Variants in MAF observed in about 807,000 individuals in gnomAD.
The protein encoded by MAF is transcription factor Maf.
In MAF, 10 loss-of-function variants were observed where a neutral mutation model predicts 22.0. That is an observed-to-expected ratio of 0.45 (90% CI 0.28 to 0.77). The LOEUF (loss-of-function observed/expected upper bound fraction) is 0.77, where lower values mean the gene tolerates loss of function less well. Among genes scored for constraint, MAF ranks in the 30% least tolerant of loss-of-function variants. The pLI is 0.12. For missense variants in MAF, 544 were observed against 548.4 expected, an observed-to-expected ratio of 0.99 and a Z score of 0.08; for synonymous variants, 337 against 255.8, an observed-to-expected ratio of 1.32 and a Z score of -3.03.
At chr16:79,382,564 T>C in the MAF span, among the ~76,000 whole-genome samples, 6 of 152,164 alleles carry the variant, frequency 3.9e-5, no homozygotes, top group African/African-American at 1.4e-4. Flanking sequence ...TAACGTACAG[T>C]AGAGAATGGC....
the MAF span, among the ~76,000 whole-genome samples, chr16:79,412,252 T>C: frequency 6.6e-6 from 1 of 152,046 alleles, no homozygotes; most frequent in Non-Finnish European, 1.5e-5. Context: ...TGAGGTACAG[T>C]TGTGTTCAGA....
the MAF span, among the ~76,000 whole-genome samples, chr16:79,517,568 C>CTTT: frequency 2.5e-4 from 25 of 99,774 alleles, no homozygotes; most frequent in African/African-American, 5.3e-4. Flanking sequence ...ACTGTTTAGT[C>CTTT]TTTTTTTTTT....
At chr16:79,226,867 C>T in the MAF span, among the ~76,000 whole-genome samples, 12 of 151,954 alleles carry the variant, frequency 7.9e-5, no homozygotes, top group Non-Finnish European at 1.2e-4. Context: ...TATTATAGCA[C>T]GGCTGTGAGC....
the MAF span, among the ~76,000 whole-genome samples, chr16:79,249,550 C>G: frequency 6.6e-6 from 1 of 152,124 alleles, no homozygotes; most frequent in African/African-American, 2.4e-5. Context: ...TGATTCCCAG[C>G]AGAGGCATCC....
At chr16:79,505,931 A>G in the MAF span, among the ~76,000 whole-genome samples, 4 of 152,264 alleles carry the variant, frequency 2.6e-5, 1 homozygote, top group East Asian at 7.7e-4. Context: ...CAATGGATAG[A>G]AGGAAGAGGA....
chr16:79,209,703 T>G, the MAF span, among the ~76,000 whole-genome samples: 1 of 152,192 alleles, frequency 6.6e-6, no homozygotes, highest in Non-Finnish European at 1.5e-5. Flanking sequence ...AAAATAATAC[T>G]TGGCTTGAGT....
the MAF span, among the ~76,000 whole-genome samples, chr16:79,231,195 T>A: frequency 1.3e-5 from 2 of 152,016 alleles, no homozygotes; most frequent in Non-Finnish European, 2.9e-5. Flanking sequence ...AGTCACTCTT[T>A]GCCAATGGGC....
At chr16:79,205,396 C>A in the MAF span, 1 of 152,178 alleles carries the variant, frequency 6.6e-6, no homozygotes. Flanking sequence ...GAACCTGTTG[C>A]TAGCAAAGAA....
the MAF span, among the ~76,000 whole-genome samples, chr16:79,467,473 G>A: frequency 6.6e-6 from 1 of 152,148 alleles, no homozygotes; most frequent in Non-Finnish European, 1.5e-5. Context: ...GTGATCTTAT[G>A]AATTAGGAAA....
the MAF span, among the ~76,000 whole-genome samples, chr16:79,474,221 C>T: frequency 4.0e-3 from 608 of 152,242 alleles, 9 homozygotes; most frequent in African/African-American, 0.014. Flanking sequence ...CTCTACATGG[C>T]ATAGAAGAAA....
At chr16:79,588,496 G>A (rs992470859) in intron 1 of MAF, among the ~76,000 whole-genome samples, 4 of 151,760 alleles carry the variant, frequency 2.6e-5, no homozygotes, top group African/African-American at 4.8e-5. Context: ...GTGCAGTGGC[G>A]CAATCTGGGC....
the MAF span, among the ~76,000 whole-genome samples, chr16:79,228,603 C>T: frequency 6.6e-6 from 1 of 152,042 alleles, no homozygotes; most frequent in African/African-American, 2.4e-5. Context: ...ATGCCCTTTT[C>T]AATGGTTGGC....
chr16:79,202,893 G>T, the MAF span: 2 of 152,210 alleles, frequency 1.3e-5, no homozygotes, highest in Non-Finnish European at 2.9e-5. Context: ...GTCAGCACAT[G>T]CATATTTAGA....
chr16:79,267,257 C>T, the MAF span, among the ~76,000 whole-genome samples: 19,752 of 152,160 alleles, frequency 0.13, 1,423 homozygotes, highest in Middle Eastern at 0.2. Flanking sequence ...GGGTATTGTG[C>T]CCATTATGAA....
the MAF span, among the ~76,000 whole-genome samples, chr16:79,508,419 G>C: frequency 1.3e-5 from 2 of 152,256 alleles, no homozygotes; most frequent in Admixed American, 1.3e-4. Flanking sequence ...CTCTCCTCCT[G>C]GGTGTAGGTC....
the MAF span, among the ~76,000 whole-genome samples, chr16:79,221,117 A>T: frequency 6.6e-6 from 1 of 152,228 alleles, no homozygotes; most frequent in African/African-American, 2.4e-5. Context: ...CTACTGAGAA[A>T]GTTCGAAGAC....
chr16:79,223,512 C>T, the MAF span, among the ~76,000 whole-genome samples: 1 of 152,040 alleles, frequency 6.6e-6, no homozygotes, highest in African/African-American at 2.4e-5. Flanking sequence ...TAACTAAGAT[C>T]AGAGCAGAAC....
chr16:79,387,470 G>A, the MAF span, among the ~76,000 whole-genome samples: 2 of 152,222 alleles, frequency 1.3e-5, no homozygotes, highest in Admixed American at 1.3e-4. Flanking sequence ...CCAGTGGGAA[G>A]TTATTAGTGT....
rs1455653254 is a variant in MAF at position 79,594,554 on chromosome 16, C to G, written c.1119-1G>C. ...CTCCAACTTGCGAGTGGGCTCAGTT[C>G]TGTAATTGGAATGAAAGGAATTTTA... is the stretch of plus-strand genomic sequence containing the variant. On this transcript the variant is annotated splice_acceptor_variant, in intron 1 of 1. Transcript: ENST00000326043. LOFTEE classifies it high-confidence loss of function. 1 of 1,558,406 alleles carries G rather than the reference C, an allele frequency of 6.4e-7. No individual in the cohort carries two copies. Among genetic ancestry groups the G allele is most frequent in the Non-Finnish European group, 8.7e-7 (1 of 1,149,524 alleles).
Sources: gnomAD v4.1 joint callset for allele counts (sites outside exome capture counted in the v4.1 genomes callset) on GRCh38, gnomAD v4.1.1 for gene constraint, MANE v1.5 for transcripts, NCBI Gene and HGNC (gene_info 2026-07-23, HGNC 2026-07-21) for gene names.